Variants in VASH1 observed in about 807,000 individuals in gnomAD.
VASH1 encodes vasohibin 1, also known as tubulinyl-Tyr carboxypeptidase 1.
Under a neutral mutation model 35.0 loss-of-function variants are expected in VASH1, and 16 were observed. The observed-to-expected ratio is 0.46, with a 90% CI of 0.31 to 0.70. The LOEUF is 0.70. Among genes scored for constraint, VASH1 ranks in the 30% least tolerant of loss-of-function variants. VASH1 has a pLI of 0.05. For missense variants in VASH1, 505 were observed against 510.7 expected (o/e 0.99, Z 0.11); for synonymous variants, 214 against 200.9 (o/e 1.07, Z -0.55).
At position 76,762,921 on chromosome 14, in the gene VASH1, A is replaced by T. The variant is rs1188108716; in HGVS notation, c.100A>T (p.Ser34Cys). The T allele has an allele frequency of 6.3e-6, 10 of 1,575,642 alleles. No individual in the cohort carries two copies. The Admixed American group carries it at 1.7e-4, about 26-fold the overall frequency. Residue 34 changes from serine to cysteine, a missense_variant, in exon 1 of 7, where the codon AGC (serine) becomes TGC (cysteine). By Grantham distance (112) the Ser-to-Cys change is moderately radical (BLOSUM62 -1). Coordinates refer to ENST00000167106, the MANE Select transcript of VASH1 (RefSeq NM_014909.5). Reference sequence around the variant, plus strand: ...CTCTGGGGTCAGGCGTTTGGAGACCAGCGAAGGAACCTCAGCCCAGAGAGA... The same window carrying T: ...CTCTGGGGTCAGGCGTTTGGAGACCTGCGAAGGAACCTCAGCCCAGAGAGA... ...APSGVRRLETSEGTSAQRDEE... is the reference protein window; with the variant it reads ...APSGVRRLETCEGTSAQRDEE...
intron 6 of VASH1, 82 bp downstream of exon 6, chr14:76,778,153 A>C (rs72737518): frequency 0.13 from 118,926 of 928,870 alleles, 8,389 homozygotes; most frequent in East Asian, 0.25. Flanking sequence ...TTTTTTTTTT[A>C]TCTCTCTCCC....
chr14:76,765,493 T>TC (rs1004293653), intron 1 of VASH1, among the ~76,000 whole-genome samples: 2 of 151,856 alleles, frequency 1.3e-5, no homozygotes, highest in Admixed American at 6.6e-5. Context: ...TGCAGTGGAG[T>TC]CCAGGAGGCC....
Position 76,779,335 on chromosome 14 carries a change from A to C in VASH1, c.*317A>C. 1 of 699,188 alleles carries C rather than the reference A, an allele frequency of 1.4e-6. No individual in the cohort carries two copies. Among genetic ancestry groups the C allele is most frequent in the East Asian group, 2.7e-5 (1 of 37,114 alleles). 43.3% of individuals were successfully genotyped at this position (699,188 alleles called of 1,614,324 possible). A position where few individuals can be genotyped will look rare whatever the true frequency, so the allele number is the denominator to read the frequency against. On this transcript the variant is annotated 3_prime_UTR_variant, in exon 7 of 7. Transcript: ENST00000167106. ...CCAGTGCTTAACAAATCCATGTGTC[A>C]TGGGGCCAGGTGAGGGAAACTGCTG...
chr14:76,762,855 A>C lies in VASH1; in HGVS notation c.34A>C (p.Ser12Arg). ...PGGKKVAGGGSSGATPTSAAA... is the reference protein window; with the variant it reads ...PGGKKVAGGGRSGATPTSAAA... ...GGGGAAGAAGGTGGCTGGGGGTGGCAGCAGCGGTGCCACTCCAACGTCCGC... is the reference window on the plus strand; with the variant it reads ...GGGGAAGAAGGTGGCTGGGGGTGGCCGCAGCGGTGCCACTCCAACGTCCGC... Residue 12 changes from serine to arginine, a missense_variant, in exon 1 of 7, where the codon AGC (serine) becomes CGC (arginine). Physicochemically the swap from Ser to Arg is moderately radical, Grantham distance 110 (BLOSUM62 -1). Transcript: ENST00000167106. 1 of 1,517,784 alleles carries C rather than the reference A, an allele frequency of 6.6e-7. No homozygotes were observed. Among genetic ancestry groups the C allele is most frequent in the Non-Finnish European group, 8.8e-7 (1 of 1,132,672 alleles). The allele number at this position is 1,517,784 out of a possible 1,614,324, so 94.0% of individuals were successfully genotyped here. A position where few individuals can be genotyped will look rare whatever the true frequency, so the allele number is the denominator to read the frequency against.
In VASH1 at chr14:76,762,978, C is replaced by T; in HGVS notation, c.157C>T (p.Leu53=). The T allele has an allele frequency of 6.4e-7, 1 of 1,553,244 alleles. No individual in the cohort carries two copies. Among genetic ancestry groups the T allele is most frequent in the East Asian group, 2.4e-5 (1 of 41,592 alleles). Residue 53 remains leucine, a synonymous_variant, in exon 1 of 7, where the codon CTG becomes TTG. Transcript: ENST00000167106. ...EEPEEEGEED[L]RDGGVPFFVN... is the part of the protein sequence containing the mutation. The stretch of plus-strand genomic sequence containing the variant: ...GCCAGAAGAGGAAGGGGAAGAGGAC[C>T]TGCGAGACGGAGGCGTCCCCTTCTT...
At chr14:76,773,411 C>T (rs867220675) in intron 4 of VASH1, 200 bp downstream of exon 4, 1 of 579,236 alleles carries the variant, frequency 1.7e-6, no homozygotes. Context: ...CCCAGTACCC[C>T]ACATCTCAGT....
rs1893537073 is a variant in VASH1, at chr14:76,762,787, T to A, written c.-35T>A. 7.0e-7 allele frequency: 1 copy of A among 1,438,406 alleles called. No homozygotes were observed. Among genetic ancestry groups the A allele is most frequent in the Non-Finnish European group, 9.1e-7 (1 of 1,093,416 alleles). 89.1% of individuals were successfully genotyped at this position (1,438,406 alleles called of 1,614,324 possible). On this transcript the variant is annotated 5_prime_UTR_variant, in exon 1 of 7. Transcript: ENST00000167106. ...GGAGGCCTCTTGTGAGCCAGTTGTT[T>A]TCCCGCCTCCACCACCCCCCTCGAA... is the stretch of plus-strand genomic sequence containing the variant.
In VASH1 at chr14:76,761,813, C is replaced by G. The variant is rs2140168995; in HGVS notation, c.-1009C>G. On this transcript the variant is annotated 5_prime_UTR_variant, in exon 1 of 7. Coordinates refer to ENST00000167106, the MANE Select transcript of VASH1 (RefSeq NM_014909.5). ...ACGGAGCATCCTCCGCCCGCCCGGG[C>G]CGCGCCACCGCCCATGCTGCAGCCA... Among the ~76,000 whole-genome samples the G allele has an allele frequency of 6.6e-6, 1 of 151,732 alleles. No individual in the cohort carries two copies. The highest frequency in any genetic ancestry group is 1.9e-4 in the East Asian group (1 of 5,132).
Position 76,779,686 on chromosome 14 carries a change from T to C in VASH1, c.*668T>C, listed in dbSNP as rs527994228. ...CTGTGTGGGCAGAGGAGGGGTGATA[T>C]GAGAGCGAGCCCAGGGAAGGACCTC... On this transcript the variant is annotated 3_prime_UTR_variant, in exon 7 of 7. Transcript: ENST00000167106. The C allele has an allele frequency of 2.5e-5, 15 of 596,184 alleles. No homozygotes were observed. In the East Asian group the frequency reaches 3.3e-4, roughly 13 times the overall value. 36.9% of individuals were successfully genotyped at this position (596,184 alleles called of 1,614,324 possible).
chr14:76,773,254 G>C, intron 4 of VASH1, 43 bp downstream of exon 4: 1 of 1,601,778 alleles, frequency 6.2e-7, no homozygotes, highest in Non-Finnish European at 8.6e-7. Context: ...GGCTTCTCTG[G>C]GCCTCAGCTT....
chr14:76,776,320 C>T (rs1438303257), intron 5 of VASH1, 47 bp downstream of exon 5: 2 of 1,478,082 alleles, frequency 1.4e-6, no homozygotes, highest in Non-Finnish European at 9.0e-7. Context: ...CCCCCTCCCC[C>T]GCCCCAGCAG....
chr14:76,780,860 T>C lies in VASH1; in HGVS notation c.*1842T>C, dbSNP rs1354406394. The C allele has an allele frequency of 6.6e-6, 1 of 152,198 alleles. No individual in the cohort carries two copies. Among genetic ancestry groups the C allele is most frequent in the Non-Finnish European group, 1.5e-5 (1 of 68,068 alleles). The allele number at this position is 152,198 out of a possible 1,614,324, so 9.4% of individuals were successfully genotyped here. A position where few individuals can be genotyped will look rare whatever the true frequency, so the allele number is the denominator to read the frequency against. ...CACCAAGATGCTTTGAGGCGGGCTG[T>C]AGCAAAGTCCTGTTTCTCAGAGCTG... On this transcript the variant is annotated 3_prime_UTR_variant, in exon 7 of 7. Transcript: ENST00000167106.
chr14:76,773,834 G>A (rs2140183107), intron 4 of VASH1: 2 of 152,442 alleles, frequency 1.3e-5, no homozygotes, highest in Middle Eastern at 3.4e-3. Context: ...ATCCTAACTG[G>A]TCAATGCCTG....
At chr14:76,768,263 AG>A (rs1487985452) in intron 1 of VASH1, among the ~76,000 whole-genome samples, 1 of 152,208 alleles carries the variant, frequency 6.6e-6, no homozygotes, top group Non-Finnish European at 1.5e-5. Flanking sequence ...AGACAGGAAG[AG>A]GGGGGAGCCC....
At chr14:76,770,338 G>A (rs1485616411) in intron 2 of VASH1, among the ~76,000 whole-genome samples, 1 of 146,548 alleles carries the variant, frequency 6.8e-6, no homozygotes, top group East Asian at 2.1e-4. Context: ...GGTCCTGAGT[G>A]ACTTGCTGGT....
chr14:76,765,728 A>G (rs189086787), intron 1 of VASH1, among the ~76,000 whole-genome samples: 1 of 152,248 alleles, frequency 6.6e-6, no homozygotes, highest in Non-Finnish European at 1.5e-5. Flanking sequence ...GAAAATAAGA[A>G]GACTTGGGAA....
chr14:76,767,302 A>G (rs1893670271), intron 1 of VASH1, among the ~76,000 whole-genome samples: 1 of 150,580 alleles, frequency 6.6e-6, no homozygotes, highest in Non-Finnish European at 1.5e-5. Context: ...ACGACTGTAA[A>G]TGGCAGAGCT....
At chr14:76,763,749 A>G (rs1453891540) in intron 1 of VASH1, among the ~76,000 whole-genome samples, 1 of 152,176 alleles carries the variant, frequency 6.6e-6, no homozygotes, top group African/African-American at 2.4e-5. Flanking sequence ...AGTAGATTCA[A>G]GCACATTAGA....
intron 3 of VASH1, among the ~76,000 whole-genome samples, chr14:76,772,438 G>A (rs1893818371): frequency 6.6e-6 from 1 of 152,172 alleles, no homozygotes; most frequent in African/African-American, 2.4e-5. Flanking sequence ...GCCTGTGGCT[G>A]CTGTGTGCTG....
Sources: gnomAD v4.1 joint callset for allele counts (sites outside exome capture counted in the v4.1 genomes callset) on GRCh38, gnomAD v4.1.1 for gene constraint, MANE v1.5 for transcripts, NCBI Gene and HGNC (gene_info 2026-07-23, HGNC 2026-07-21) for gene names.